The following NCAM2 variants were observed in gnomAD, a reference collection of about 807,000 sequenced individuals.
NCAM2 encodes the protein N-CAM-2.
In NCAM2, 30 loss-of-function variants were observed where a neutral mutation model predicts 98.1. That is an observed-to-expected ratio of 0.31 (90% CI 0.23 to 0.41). The LOEUF (loss-of-function observed/expected upper bound fraction) is 0.41, where lower values mean the gene tolerates loss of function less well. NCAM2 is among the 10% of genes least tolerant of loss of function. The pLI is 1.00. For synonymous variants in NCAM2, 368 were observed against 342.4 expected, an observed-to-expected ratio of 1.07 and a Z score of -0.83; for missense variants, 867 against 1,005.8, an observed-to-expected ratio of 0.86 and a Z score of 1.87.
chr21:21,502,783 T>C (rs985349251), intron 15 of NCAM2, among the ~76,000 whole-genome samples: 2 of 151,948 alleles, frequency 1.3e-5, no homozygotes. Flanking sequence ...ATATCTCTTA[T>C]GAAAATAGCT....
Position 21,315,323 on chromosome 21 carries a change from A to G in NCAM2, c.620-9060A>G, listed in dbSNP as rs1022686913. ...GACAGAGCTCAAGATTTCCTAAAGA[A>G]CTTGCTGTGGATGCCTTCCTAAGAC... On this transcript the variant is annotated intron_variant, in intron 5 of 17. Transcript: ENST00000400546. Among the ~76,000 whole-genome samples, 7 of 152,168 alleles carry G rather than the reference A, an allele frequency of 4.6e-5. 1 individual carries two copies. The highest frequency in any genetic ancestry group is 1.7e-4 in the African/African-American group (7 of 41,446).
At chr21:21,476,956 A>G (rs1985247905) in intron 14 of NCAM2, among the ~76,000 whole-genome samples, 1 of 152,032 alleles carries the variant, frequency 6.6e-6, no homozygotes, top group Non-Finnish European at 1.5e-5. Context: ...TCCCATTCAC[A>G]TAATGATGAA....
intron 1 of NCAM2, among the ~76,000 whole-genome samples, chr21:21,139,543 C>T (rs1013561782): frequency 1.3e-5 from 2 of 152,082 alleles, no homozygotes; most frequent in African/African-American, 4.8e-5. Context: ...ACAAACTAAC[C>T]AGGAAAAACA....
At chr21:21,197,053 A>C (rs2069030102) in intron 1 of NCAM2, among the ~76,000 whole-genome samples, 1 of 152,194 alleles carries the variant, frequency 6.6e-6, no homozygotes, top group South Asian at 2.1e-4. Context: ...CCCCAGAAGC[A>C]GAAACCACTA....
chr21:21,499,377 G>A (rs1303911135), intron 15 of NCAM2, among the ~76,000 whole-genome samples: 1 of 152,094 alleles, frequency 6.6e-6, no homozygotes, highest in Admixed American at 6.5e-5. Flanking sequence ...AAGTAGCTGG[G>A]ACTACAGGCG....
intron 1 of NCAM2, among the ~76,000 whole-genome samples, chr21:21,068,776 T>C (rs2065497337): frequency 6.6e-6 from 1 of 152,192 alleles, no homozygotes; most frequent in African/African-American, 2.4e-5. Context: ...TCCTCTTTTG[T>C]ATTATTATCT....
At chr21:21,497,879 G>A (rs146735822) in intron 15 of NCAM2, among the ~76,000 whole-genome samples, 193 of 152,070 alleles carry the variant, frequency 1.3e-3, no homozygotes, top group African/African-American at 4.1e-3. Context: ...ATAAGCATTA[G>A]CCTTTTTTTA....
At chr21:21,272,506 G>A (rs62209218) in intron 1 of NCAM2, among the ~76,000 whole-genome samples, 4 of 54,116 alleles carry the variant, frequency 7.4e-5, no homozygotes, top group East Asian at 8.8e-4. Context: ...ATGCGCGCGC[G>A]CGCACACACA....
At chr21:21,461,717 A>G (rs974573467) in intron 12 of NCAM2, among the ~76,000 whole-genome samples, 2 of 152,020 alleles carry the variant, frequency 1.3e-5, no homozygotes, top group Non-Finnish European at 1.5e-5. Context: ...TAAAAAAACT[A>G]AGATTATATT....
intron 1 of NCAM2, among the ~76,000 whole-genome samples, chr21:21,049,070 C>G (rs1213316087): frequency 7.1e-5 from 10 of 140,156 alleles, no homozygotes; most frequent in Non-Finnish European, 1.4e-4. Flanking sequence ...GGACTGCGGA[C>G]TGCAGTGGCG....
intron 15 of NCAM2, among the ~76,000 whole-genome samples, chr21:21,484,133 CACATATAAGGG>C (rs1338527891): frequency 1.2e-4 from 18 of 152,010 alleles, no homozygotes; most frequent in Admixed American, 1.2e-3. Flanking sequence ...GAAAGATATT[CACATATAAGGG>C]ATCAGTGACA....
intron 1 of NCAM2, among the ~76,000 whole-genome samples, chr21:21,088,802 T>G (rs2065953734): frequency 6.6e-6 from 1 of 151,810 alleles, no homozygotes; most frequent in Admixed American, 6.6e-5. Context: ...ACCGTGTCTC[T>G]ACTAAAAATA....
At chr21:21,210,467 G>C (rs2069608084) in intron 1 of NCAM2, 1 of 1,187,310 alleles carries the variant, frequency 8.4e-7, no homozygotes, top group African/African-American at 1.6e-5. Context: ...TTTACTGTAA[G>C]AATTCTTCAT....
intron 1 of NCAM2, among the ~76,000 whole-genome samples, chr21:21,253,246 A>G (rs1214269676): frequency 6.6e-6 from 1 of 152,200 alleles, no homozygotes; most frequent in African/African-American, 2.4e-5. Flanking sequence ...TCATTAAGCA[A>G]TTTGAATGGA....
chr21:21,418,711 C>T, intron 11 of NCAM2, 142 bp downstream of exon 11: 1 of 699,650 alleles, frequency 1.4e-6, no homozygotes, highest in South Asian at 1.6e-5. Flanking sequence ...CTGTGGTTAC[C>T]AGAGGCTTGG....
chr21:21,507,176 C>A (rs975393993), intron 15 of NCAM2, among the ~76,000 whole-genome samples: 1 of 151,784 alleles, frequency 6.6e-6, no homozygotes, highest in Non-Finnish European at 1.5e-5. Flanking sequence ...TCAGACAAGT[C>A]TGACATACTC....
chr21:21,498,898 G>A (rs764586913), intron 15 of NCAM2, among the ~76,000 whole-genome samples: 22 of 152,090 alleles, frequency 1.4e-4, no homozygotes, highest in Middle Eastern at 3.2e-3. Flanking sequence ...TATAGAAGAA[G>A]AGAATGCCTC....
At chr21:21,011,553 G>A (rs568014536) in intron 1 of NCAM2, among the ~76,000 whole-genome samples, 4 of 151,854 alleles carry the variant, frequency 2.6e-5, no homozygotes, top group Admixed American at 6.6e-5. Context: ...AGTATCTATC[G>A]CCTTATATAG....
intron 16 of NCAM2, among the ~76,000 whole-genome samples, chr21:21,525,219 G>C (rs1397325432): frequency 4.6e-5 from 7 of 152,006 alleles, no homozygotes; most frequent in African/African-American, 1.4e-4. Flanking sequence ...CTGAAAGCTG[G>C]TTCTTTTAAA....
Sources: allele counts gnomAD v4.1 joint callset (sites outside exome capture counted in the v4.1 genomes callset), GRCh38; gene constraint gnomAD v4.1.1; transcripts MANE v1.5; gene names NCBI Gene and HGNC (gene_info 2026-07-23, HGNC 2026-07-21).